The following BNC2 variants were observed in gnomAD, a reference collection of about 807,000 sequenced individuals.
BNC2 encodes zinc finger protein basonuclin-2.
In BNC2, 20 loss-of-function variants were observed where a neutral mutation model predicts 76.3. That is an observed-to-expected ratio of 0.26 (90% CI 0.18 to 0.38). The LOEUF is 0.38. BNC2 is among the 10% of genes least tolerant of loss of function. The probability of loss-of-function intolerance (pLI) is 1.00; values close to 1 mark genes in which losing one functional copy is unlikely to be tolerated. For missense variants in BNC2, 1,382 were observed against 1,399.8 expected, an observed-to-expected ratio of 0.99 and a Z score of 0.20; for synonymous variants, 582 against 514.8, an observed-to-expected ratio of 1.13 and a Z score of -1.77.
intron 1 of BNC2, among the ~76,000 whole-genome samples, chr9:16,777,898 A>C (rs1456621244): frequency 6.6e-6 from 1 of 152,180 alleles, no homozygotes; most frequent in East Asian, 1.9e-4. Context: ...AATTATATAC[A>C]TTCCATGTTA....
intron 3 of BNC2, among the ~76,000 whole-genome samples, chr9:16,641,076 T>C (rs1274241034): frequency 6.6e-6 from 1 of 152,190 alleles, no homozygotes. Context: ...TGAGAATTAC[T>C]GGATAAAGTA....
chr9:16,774,334 G>C (rs1436669857), intron 1 of BNC2, among the ~76,000 whole-genome samples: 1 of 152,126 alleles, frequency 6.6e-6, no homozygotes, highest in South Asian at 2.1e-4. Flanking sequence ...CATCTGATAA[G>C]GAACCAGAAC....
At chr9:16,644,867 G>A (rs1168981562) in intron 3 of BNC2, among the ~76,000 whole-genome samples, 2 of 152,078 alleles carry the variant, frequency 1.3e-5, no homozygotes, top group Non-Finnish European at 2.9e-5. Flanking sequence ...GCTGATTTAG[G>A]TACTTACTTT....
chr9:16,769,033 A>G (rs1238194347), intron 1 of BNC2, among the ~76,000 whole-genome samples: 3 of 152,204 alleles, frequency 2.0e-5, no homozygotes, highest in East Asian at 1.9e-4. Context: ...GAAATGGGGA[A>G]CAATGGAAGA....
intron 5 of BNC2, among the ~76,000 whole-genome samples, chr9:16,546,111 C>T (rs1053781249): frequency 1.3e-5 from 2 of 152,278 alleles, no homozygotes; most frequent in East Asian, 3.9e-4. Flanking sequence ...TGATATTTCT[C>T]TGTTATAATT....
chr9:16,731,840 T>C (rs762260979), intron 2 of BNC2, among the ~76,000 whole-genome samples: 1 of 152,188 alleles, frequency 6.6e-6, no homozygotes, highest in African/African-American at 2.4e-5. Context: ...ACCTGTGCTA[T>C]AGGTACCATG....
intron 1 of BNC2, among the ~76,000 whole-genome samples, chr9:16,811,289 G>A (rs1220881088): frequency 1.9e-4 from 28 of 148,950 alleles, no homozygotes; most frequent in African/African-American, 2.5e-5. Flanking sequence ...GGTGGCTCAC[G>A]CCTGTAATCC....
intron 3 of BNC2, among the ~76,000 whole-genome samples, chr9:16,625,019 C>T (rs537659286): frequency 6.6e-6 from 1 of 152,290 alleles, no homozygotes; most frequent in South Asian, 2.1e-4. Flanking sequence ...TCGGAGTGCA[C>T]ATTTTAGAAA....
chr9:16,506,681 A>G, intron 5 of BNC2, among the ~76,000 whole-genome samples: 1 of 150,816 alleles, frequency 6.6e-6, no homozygotes, highest in East Asian at 1.9e-4. Context: ...ACCCGCCACC[A>G]CACCCAGCTA....
At chr9:16,590,045 G>A (rs1819881178) in intron 3 of BNC2, among the ~76,000 whole-genome samples, 1 of 151,932 alleles carries the variant, frequency 6.6e-6, no homozygotes, top group African/African-American at 2.4e-5. Context: ...GATGGCTTGA[G>A]CCCAGGAGTT....
At chr9:16,793,082 C>A (rs1361121412) in intron 1 of BNC2, among the ~76,000 whole-genome samples, 1 of 152,148 alleles carries the variant, frequency 6.6e-6, no homozygotes, top group African/African-American at 2.4e-5. Context: ...AAAGGGAAAA[C>A]ATACTGCAAG....
Position 16,801,384 on chromosome 9 carries a change from G to A in BNC2, c.4-62899C>T, listed in dbSNP as rs79035022. 3.6e-3 allele frequency among the ~76,000 whole-genome samples: 537 copies of A among 150,122 alleles called. 2 individuals are homozygous for A. The highest frequency in any genetic ancestry group is 4.5e-3 in the Non-Finnish European group (305 of 67,750). On this transcript the variant is annotated intron_variant, in intron 1 of 6. Transcript: ENST00000380672. ...TTTCAGCCTGCCGAGTAGCTGGGAC[G>A]TGCCCGGTTAATTTTTCTATTTTTT...
chr9:16,525,950 C>T (rs544108615), intron 5 of BNC2, among the ~76,000 whole-genome samples: 4 of 152,100 alleles, frequency 2.6e-5, no homozygotes, highest in African/African-American at 7.2e-5. Context: ...GTATTTGATA[C>T]AGCACAATCA....
intron 3 of BNC2, among the ~76,000 whole-genome samples, chr9:16,655,018 A>G (rs1042914179): frequency 1.3e-5 from 2 of 152,016 alleles, no homozygotes; most frequent in Non-Finnish European, 2.9e-5. Flanking sequence ...TGATAGATCA[A>G]TAACTGTGGT....
intron 5 of BNC2, among the ~76,000 whole-genome samples, chr9:16,486,337 T>C (rs1182400272): frequency 1.3e-5 from 2 of 152,228 alleles, no homozygotes; most frequent in Admixed American, 6.5e-5. Flanking sequence ...GAAATCAGAA[T>C]AGTAGTATCA....
chr9:16,622,094 A>G (rs1474735813), intron 3 of BNC2, among the ~76,000 whole-genome samples: 1 of 152,060 alleles, frequency 6.6e-6, no homozygotes, highest in African/African-American at 2.4e-5. Flanking sequence ...TAACCTCCTG[A>G]GCTTCATCAT....
intron 1 of BNC2, among the ~76,000 whole-genome samples, chr9:16,779,130 A>AAAAAAAAAAAAAAAAAAAAAAAAAG (rs556932807): frequency 1.1e-5 from 1 of 87,630 alleles, no homozygotes; most frequent in Non-Finnish European, 2.2e-5. Flanking sequence ...AAAAAAAAAA[A>AAAAAAAAAAAAAAAAAAAAAAAAAG]AAAAGAAAAG....
intron 1 of BNC2, among the ~76,000 whole-genome samples, chr9:16,782,142 G>A (rs1826171095): frequency 6.6e-6 from 1 of 151,942 alleles, no homozygotes; most frequent in Non-Finnish European, 1.5e-5. Flanking sequence ...AAAATTATCT[G>A]GACGTGGTGG....
At chr9:16,666,511 A>G (rs1822296458) in intron 3 of BNC2, among the ~76,000 whole-genome samples, 1 of 152,224 alleles carries the variant, frequency 6.6e-6, no homozygotes, top group Non-Finnish European at 1.5e-5. Flanking sequence ...GACCAACACT[A>G]TCAATTCTCT....
Sources: gnomAD v4.1 joint callset for allele counts (sites outside exome capture counted in the v4.1 genomes callset) on GRCh38, gnomAD v4.1.1 for gene constraint, MANE v1.5 for transcripts, NCBI Gene and HGNC (gene_info 2026-07-23, HGNC 2026-07-21) for gene names.